The following NOD2 variants were observed in gnomAD, a reference collection of about 807,000 sequenced individuals.
The protein encoded by NOD2 is nucleotide-binding oligomerization domain-containing protein 2.
NOD2 carries 86 observed loss-of-function variants against 90.9 expected under a neutral mutation model. The ratio of observed to expected loss-of-function variants is 0.95; its 90% CI spans 0.79 to 1.13. The LOEUF (loss-of-function observed/expected upper bound fraction) is 1.13, where lower values mean the gene tolerates loss of function less well. Ranked by LOEUF, NOD2 falls within the 50% of genes most tolerant of loss-of-function variation. The pLI is 0.00. For missense variants in NOD2, 1,238 were observed against 1,283.8 expected (o/e 0.96, Z 0.55); for synonymous variants, 581 against 554.6 (o/e 1.05, Z -0.67).
chr16:50,724,649 T>C (rs1443862809), intron 9 of NOD2, among the ~76,000 whole-genome samples: 5 of 152,330 alleles, frequency 3.3e-5, no homozygotes, highest in African/African-American at 1.2e-4. Context: ...GCTGCTGTGA[T>C]TGGCTAAGAC....
At chr16:50,723,139 GA>G (rs59171756) in intron 8 of NOD2, among the ~76,000 whole-genome samples, 161 bp from the exon 9 acceptor site, 2,224 of 107,796 alleles carry the variant, frequency 0.021, 62 homozygotes, top group Admixed American at 0.089. Flanking sequence ...AAAAAGGGTA[GA>G]AAAAAAAAAA....
rs368878082 is a variant in NOD2, at chr16:50,703,054, C to G, written c.459+3100C>G. On this transcript the variant is annotated intron_variant, in intron 2 of 11. Coordinates refer to ENST00000647318, the MANE Select transcript of NOD2 (RefSeq NM_001370466.1). ...TGCCTGATTCCTATAACAATATTAACTTAAACATTTTTTAAATTGGGAAAT... is the reference window on the plus strand; with the variant it reads ...TGCCTGATTCCTATAACAATATTAAGTTAAACATTTTTTAAATTGGGAAAT... Among the ~76,000 whole-genome samples the G allele has an allele frequency of 2.0e-5, 3 of 152,188 alleles. No homozygotes were observed. In the East Asian group the frequency reaches 5.8e-4, roughly 29 times the overall value.
Position 50,712,284 on chromosome 16 carries a change from G to T in NOD2, c.2292G>T (p.Arg764=), listed in dbSNP as rs1247107708. 6.2e-7 allele frequency: 1 copy of T among 1,614,002 alleles called. No individual in the cohort carries two copies. The highest frequency in any genetic ancestry group is 2.2e-5 in the East Asian group (1 of 44,880). ...CCTTTGTGCTGCAGCACCTCCGGCG[G>T]CCCGTGGCCCTGCAGCTGGACTACA... ...ALAFVLQHLR[R]PVALQLDYNS... Residue 764 remains arginine (R), a synonymous_variant, in exon 4 of 12, where the codon CGG becomes CGT. Coordinates refer to ENST00000647318, the MANE Select transcript of NOD2 (RefSeq NM_001370466.1).
At position 50,721,374 on chromosome 16, in the gene NOD2, T is replaced by G. The variant is rs112512433; in HGVS notation, c.2634-1248T>G. Among the ~76,000 whole-genome samples, 678 of 150,884 alleles carry G rather than the reference T, an allele frequency of 4.5e-3. 1 individual carries two copies. Among genetic ancestry groups the G allele is most frequent in the South Asian group, 8.1e-3 (39 of 4,798 alleles). On this transcript the variant is annotated intron_variant, in intron 7 of 11. Coordinates refer to ENST00000647318, the MANE Select transcript of NOD2 (RefSeq NM_001370466.1). ...GTTCTGTAACTTGCTTGGTTTTTTT[T>G]TTTGTTTGTTTGTTTGTTTTGTTTT...
In NOD2 at chr16:50,711,877, G is replaced by A; in HGVS notation, c.1885G>A (p.Asp629Asn). 6.2e-7 allele frequency: 1 copy of A among 1,609,938 alleles called. No individual in the cohort carries two copies. The highest frequency in any genetic ancestry group is 8.5e-7 in the Non-Finnish European group (1 of 1,176,636). The change falls in exon 4 of 12, where the codon GAC (aspartate) becomes AAC (asparagine). Residue 629 changes from aspartate to asparagine, a missense_variant. Physicochemically the swap from Asp to Asn is conservative, Grantham distance 23. Transcript: ENST00000647318. ...TMCIQASEGKDSSVAALLQKA... is the reference protein window; with the variant it reads ...TMCIQASEGKNSSVAALLQKA... ...GTGCATCCAGGCCTCGGAGGGAAAG[G>A]ACAGCAGCGTGGCAGCTTTGCTGCA...
At chr16:50,695,623 A>G (rs1331755173) in intron 1 of NOD2, among the ~76,000 whole-genome samples, 8 of 152,094 alleles carry the variant, frequency 5.3e-5, no homozygotes, top group Non-Finnish European at 1.0e-4. Flanking sequence ...GGAGAAGAGA[A>G]GGGGTCTAAC....
At position 50,711,102 on chromosome 16, in the gene NOD2, G is replaced by A. The variant is rs766883774; in HGVS notation, c.1110G>A (p.Pro370=). 26 of 1,613,970 alleles carry A rather than the reference G, an allele frequency of 1.6e-5. No individual in the cohort carries two copies. Among genetic ancestry groups the A allele is most frequent in the Admixed American group, 1.0e-4 (6 of 60,004 alleles). Reference sequence around the variant, plus strand: ...CGGATCGTGAACGCCACTGCTCCCCGACCGACCCCACCTCTGTCCAGACCC... The same window carrying A: ...CGGATCGTGAACGCCACTGCTCCCCAACCGACCCCACCTCTGTCCAGACCC... ...RFTDRERHCS[P]TDPTSVQTLL... The change falls in exon 4 of 12, where the codon CCG becomes CCA. Residue 370 remains proline, a synonymous_variant. Transcript: ENST00000647318.
chr16:50,710,923 T>G lies in NOD2; in HGVS notation c.931T>G (p.Cys311Gly), dbSNP rs1964444405. The G allele has an allele frequency of 6.2e-7, 1 of 1,614,048 alleles. No homozygotes were observed. The highest frequency in any genetic ancestry group is 8.5e-7 in the Non-Finnish European group (1 of 1,180,032). ...VFPFSCRQLQ[C>G]MAKPLSVRTL... ...CCCATTCAGCTGCCGGCAGCTGCAG[T>G]GCATGGCCAAACCACTCTCTGTGCG... Residue 311 changes from cysteine to glycine, a missense_variant, in exon 4 of 12, where the codon TGC becomes GGC. Physicochemically the swap from Cys to Gly is radical, Grantham distance 159. This residue lies in a region of NOD2 where 567 missense variants were observed against 577.3 expected (regional missense o/e 0.98). Transcript: ENST00000647318.
At chr16:50,706,995 G>A (rs114204986) in intron 2 of NOD2, among the ~76,000 whole-genome samples, 167 of 152,332 alleles carry the variant, frequency 1.1e-3, no homozygotes, top group African/African-American at 3.8e-3. Flanking sequence ...ACCATGCTCA[G>A]CCATATCTTG....
At position 50,712,018 on chromosome 16, in the gene NOD2, C is replaced by T. The variant is rs5743277; in HGVS notation, c.2026C>T (p.Arg676Cys). ...GACATCTGAGAAGGCCCTGCTCCGG[C>T]GCCAGGCCTGTGCCCGCTGGTGTCT... Reference protein sequence around the residue: ...CQTSEKALLRRQACARWCLAR... With the variant: ...CQTSEKALLRCQACARWCLAR... The change falls in exon 4 of 12, where the codon CGC (arginine) becomes TGC (cysteine). Residue 676 changes from arginine (R) to cysteine (C), a missense_variant. Around this residue, in one of 3 missense-constraint regions of NOD2, gnomAD observed 667 missense variants for 688.7 expected, o/e 0.97. Coordinates refer to ENST00000647318, the MANE Select transcript of NOD2 (RefSeq NM_001370466.1). The T allele has an allele frequency of 3.9e-3, 6,370 of 1,613,156 alleles. 20 individuals carry two copies. Among genetic ancestry groups the T allele is most frequent in the Non-Finnish European group, 4.8e-3 (5,653 of 1,179,886 alleles).
chr16:50,709,774 C>T (rs887919474), intron 3 of NOD2, among the ~76,000 whole-genome samples: 2 of 152,178 alleles, frequency 1.3e-5, no homozygotes, highest in African/African-American at 4.8e-5. Context: ...AGAATCCGGA[C>T]ATGGACATCT....
Position 50,711,688 on chromosome 16 carries a change from C to T in NOD2, c.1696C>T (p.Pro566Ser), listed in dbSNP as rs1324354422. The change falls in exon 4 of 12, where the codon CCA becomes TCA. Residue 566 changes from proline to serine, a missense_variant. This residue lies in a region of NOD2 where 667 missense variants were observed against 688.7 expected (regional missense o/e 0.97). Transcript: ENST00000647318. ...CCTGGTGCGTGCCAAAGGTGTCGTG[C>T]CAGGGAGTACGGCGCCCCTGGAATT... ...GFLVRAKGVV[P>S]GSTAPLEFLH... 6.2e-7 allele frequency: 1 copy of T among 1,613,778 alleles called. No homozygotes were observed. Among genetic ancestry groups the T allele is most frequent in the African/African-American group, 1.3e-5 (1 of 75,062 alleles).
intron 2 of NOD2, among the ~76,000 whole-genome samples, chr16:50,703,525 G>A (rs1264272107): frequency 1.3e-5 from 2 of 151,936 alleles, no homozygotes; most frequent in Non-Finnish European, 2.9e-5. Flanking sequence ...TGTAGTCCCA[G>A]CTACTCGGGA....
At chr16:50,728,629 A>G (rs1965348048) in intron 10 of NOD2, among the ~76,000 whole-genome samples, 1 of 152,222 alleles carries the variant, frequency 6.6e-6, no homozygotes, top group Admixed American at 6.5e-5. Context: ...AATCTAATAG[A>G]AGTTCAATAA....
At chr16:50,706,679 C>T (rs936899108) in intron 2 of NOD2, among the ~76,000 whole-genome samples, 9 of 151,730 alleles carry the variant, frequency 5.9e-5, no homozygotes, top group African/African-American at 1.7e-4. Context: ...AAGAATGAAA[C>T]GTACCTTGCT....
chr16:50,702,763 T>C (rs1385087651), intron 2 of NOD2, among the ~76,000 whole-genome samples: 3 of 152,248 alleles, frequency 2.0e-5, no homozygotes, highest in African/African-American at 7.2e-5. Flanking sequence ...ACTACACTGT[T>C]TCTTAACAAT....
At chr16:50,705,788 T>A (rs1403313635) in intron 2 of NOD2, among the ~76,000 whole-genome samples, 1 of 152,198 alleles carries the variant, frequency 6.6e-6, no homozygotes. Context: ...TCCGTTACTA[T>A]TCATTCAATC....
rs1965507703 is a variant in NOD2, at chr16:50,733,001, T to A, written c.*1182T>A. 6.6e-6 allele frequency: 1 copy of A among 152,414 alleles called. No homozygotes were observed. Among genetic ancestry groups the A allele is most frequent in the Non-Finnish European group, 1.5e-5 (1 of 68,046 alleles). The allele number at this position is 152,414 out of a possible 1,614,324, so 9.4% of individuals were successfully genotyped here. A position where few individuals can be genotyped will look rare whatever the true frequency, so the allele number is the denominator to read the frequency against. On this transcript the variant is annotated 3_prime_UTR_variant, in exon 12 of 12. Transcript: ENST00000647318. ...TCACTTTGTTTTACTGTCTTAAGTTTATACTCTTATAGACAACATGGCCGT... is the reference window on the plus strand; with the variant it reads ...TCACTTTGTTTTACTGTCTTAAGTTAATACTCTTATAGACAACATGGCCGT...
Position 50,710,715 on chromosome 16 carries a change from C to T in NOD2, c.723C>T (p.Pro241=), listed in dbSNP as rs1270626203. The T allele has an allele frequency of 4.3e-6, 7 of 1,613,676 alleles. No individual in the cohort carries two copies. In the Admixed American group the frequency reaches 5.0e-5, roughly 12 times the overall value. Residue 241 remains proline (P), a synonymous_variant, in exon 4 of 12, where the codon CCC becomes CCT. Coordinates refer to ENST00000647318, the MANE Select transcript of NOD2 (RefSeq NM_001370466.1). ...GGGCAGATGTGGGCATGGCTGGACC[C>T]CCGCAGAAGAGCCCAGCCACCCTGG... ...EVWADVGMAG[P]PQKSPATLGL...
Sources: gnomAD v4.1 joint callset for allele counts (sites outside exome capture counted in the v4.1 genomes callset) on GRCh38, gnomAD v4.1.1 for gene constraint, gnomAD v4.1.1 regional missense constraint, MANE v1.5 for transcripts, NCBI Gene and HGNC (gene_info 2026-07-23, HGNC 2026-07-21) for gene names.